The following ARHGEF33 variants were observed in gnomAD, a reference collection of about 807,000 sequenced individuals.
The protein encoded by ARHGEF33 is DH and coiled-coil domain-containing protein ENSP00000381780.
Under a neutral mutation model 101.9 loss-of-function variants are expected in ARHGEF33, and 72 were observed. The ratio of observed to expected loss-of-function variants is 0.71; its 90% CI spans 0.58 to 0.86. ARHGEF33 has a LOEUF of 0.86. ARHGEF33 is among the 40% of genes least tolerant of loss of function. ARHGEF33 has a pLI of 0.00. For missense variants in ARHGEF33, 1,169 were observed against 1,111.3 expected, an observed-to-expected ratio of 1.05 and a Z score of -0.74; for synonymous variants, 499 against 442.5, an observed-to-expected ratio of 1.13 and a Z score of -1.60.
At chr2:38,930,530 G>GA (rs1666974592) in intron 6 of ARHGEF33, among the ~76,000 whole-genome samples, 1 of 151,880 alleles carries the variant, frequency 6.6e-6, no homozygotes, top group Non-Finnish European at 1.5e-5. Flanking sequence ...AAAAATTATA[G>GA]AAATGGGTTT....
intron 9 of ARHGEF33, among the ~76,000 whole-genome samples, chr2:38,939,677 G>T (rs760196587): frequency 5.9e-5 from 9 of 152,192 alleles, no homozygotes; most frequent in South Asian, 2.1e-4. Context: ...TTGAAGCAGG[G>T]TCTTGCTCTG....
At position 38,953,221 on chromosome 2, in the gene ARHGEF33, G is replaced by C; in HGVS notation, c.1113G>C (p.Leu371Phe). The C allele has an allele frequency of 1.3e-6, 2 of 1,539,686 alleles. No homozygotes were observed. The highest frequency in any genetic ancestry group is 8.8e-7 in the Non-Finnish European group (1 of 1,135,746). ...YLRDLPECIS[L>F]VHVVVLKEGD... ...GGGACCTGCCTGAGTGCATCTCATT[G>C]GTTCATGTTGTAGTCCTGAAAGAGG... The change falls in exon 12 of 18, where the codon TTG (leucine) becomes TTC (phenylalanine). Residue 371 changes from leucine to phenylalanine, a missense_variant. Leu to Phe is a conservative substitution (Grantham distance 22). Coordinates refer to ENST00000409978, the MANE Select transcript of ARHGEF33 (RefSeq NM_001145451.5).
intron 2 of ARHGEF33, among the ~76,000 whole-genome samples, chr2:38,900,167 G>T (rs1666209224): frequency 6.6e-6 from 1 of 152,192 alleles, no homozygotes; most frequent in South Asian, 2.1e-4. Context: ...ATTCGCTCCA[G>T]CTTGGGCAAC....
chr2:38,955,481 CTTTTTTTTTT>C (rs3085350), intron 13 of ARHGEF33, among the ~76,000 whole-genome samples: 4 of 71,186 alleles, frequency 5.6e-5, no homozygotes, highest in Admixed American at 2.4e-4. Context: ...ATTGAAAAGA[CTTTTTTTTTT>C]TTTTTTTTTT....
In ARHGEF33 at chr2:38,974,756, A is replaced by G. The variant is rs560262177; in HGVS notation, c.*913A>G. 2.1e-3 allele frequency: 327 copies of G among 152,366 alleles called. 1 individual carries two copies. Among genetic ancestry groups the G allele is most frequent in the African/African-American group, 7.2e-3 (301 of 41,592 alleles). The allele number at this position is 152,366 out of a possible 1,614,324, so 9.4% of individuals were successfully genotyped here. ...AGGTGGCAATAGCACCAAAACTTCA[A>G]TGGCTCACACACAGCAGTTGCTACA... On this transcript the variant is annotated 3_prime_UTR_variant, in exon 18 of 18. Coordinates refer to ENST00000409978, the MANE Select transcript of ARHGEF33 (RefSeq NM_001145451.5).
chr2:38,960,187 C>T lies in ARHGEF33; in HGVS notation c.1882C>T (p.Pro628Ser). ...YGGEIFALPA[P>S]YDEEPFQAPA... ...CGGCGAGATCTTCGCGCTGCCCGCG[C>T]CCTACGACGAGGAGCCGTTCCAGGC... Residue 628 changes from proline to serine, a missense_variant, in exon 16 of 18, where the codon CCC becomes TCC. By Grantham distance (74) the Pro-to-Ser change is moderately conservative. Transcript: ENST00000409978. The T allele has an allele frequency of 6.5e-7, 1 of 1,544,168 alleles. No homozygotes were observed. The highest frequency in any genetic ancestry group is 8.7e-7 in the Non-Finnish European group (1 of 1,144,528).
intron 15 of ARHGEF33, 179 bp from the exon 16 acceptor site, chr2:38,959,662 T>C (rs1425795676): frequency 3.1e-6 from 2 of 653,094 alleles, no homozygotes; most frequent in Middle Eastern, 8.6e-4. Flanking sequence ...CGGACTGCCT[T>C]GTCCACTCTC....
At chr2:38,935,960 T>C in intron 8 of ARHGEF33, 126 bp downstream of exon 8, 1 of 814,814 alleles carries the variant, frequency 1.2e-6, no homozygotes, top group Non-Finnish European at 2.0e-6. Context: ...GATAAAGTTA[T>C]GAAGTTACGA....
intron 17 of ARHGEF33, among the ~76,000 whole-genome samples, chr2:38,972,302 G>C (rs149928322): frequency 1.2e-3 from 177 of 152,296 alleles, no homozygotes; most frequent in African/African-American, 4.0e-3. Flanking sequence ...GAGAAGGCCC[G>C]GAGTTTTAGG....
intron 4 of ARHGEF33, among the ~76,000 whole-genome samples, chr2:38,928,528 A>T (rs1666922796): frequency 6.6e-6 from 1 of 152,200 alleles, no homozygotes; most frequent in Non-Finnish European, 1.5e-5. Context: ...AGAGAATATG[A>T]CCCATTTTCT....
intron 9 of ARHGEF33, among the ~76,000 whole-genome samples, chr2:38,943,692 C>T (rs1031341748): frequency 6.6e-6 from 1 of 152,212 alleles, no homozygotes; most frequent in African/African-American, 2.4e-5. Context: ...GCAGATTTTC[C>T]AGCTGCAGAT....
At chr2:38,965,937 G>T in intron 16 of ARHGEF33, 69 bp from the exon 17 acceptor site, 1 of 1,521,618 alleles carries the variant, frequency 6.6e-7, no homozygotes, top group Non-Finnish European at 8.9e-7. Flanking sequence ...CCACAAAATT[G>T]TCCCATAGTC....
At chr2:38,906,173 A>G (rs1284811209) in intron 2 of ARHGEF33, among the ~76,000 whole-genome samples, 1 of 148,660 alleles carries the variant, frequency 6.7e-6, no homozygotes, top group Non-Finnish European at 1.5e-5. Flanking sequence ...TGGGTGACAG[A>G]GCAAGACTCT....
chr2:38,908,669 A>G (rs551425173), intron 2 of ARHGEF33, among the ~76,000 whole-genome samples: 1 of 152,188 alleles, frequency 6.6e-6, no homozygotes, highest in East Asian at 1.9e-4. Context: ...GGAATTACCT[A>G]TTCTCTGTGC....
intron 17 of ARHGEF33, chr2:38,972,017 C>T (rs1301802882): frequency 5.7e-6 from 4 of 703,388 alleles, no homozygotes; most frequent in Non-Finnish European, 8.0e-6. Flanking sequence ...CCAGATGTAG[C>T]TAAGAGGGGA....
At chr2:38,924,903 C>A (rs1666838871) in intron 4 of ARHGEF33, among the ~76,000 whole-genome samples, 1 of 152,058 alleles carries the variant, frequency 6.6e-6, no homozygotes, top group African/African-American at 2.4e-5. Context: ...CATAGTATGA[C>A]AGCATTAGTT....
chr2:38,913,532 T>C (rs977331779), intron 2 of ARHGEF33, among the ~76,000 whole-genome samples: 4 of 152,068 alleles, frequency 2.6e-5, no homozygotes, highest in Non-Finnish European at 5.9e-5. Flanking sequence ...CTCACCACTT[T>C]GGGAGGCCAA....
At chr2:38,952,823 T>C (rs1667645172) in intron 11 of ARHGEF33, among the ~76,000 whole-genome samples, 1 of 152,024 alleles carries the variant, frequency 6.6e-6, no homozygotes, top group Admixed American at 6.5e-5. Context: ...CTCAGCCTCC[T>C]GAGTAGCTGA....
Position 38,960,588 on chromosome 2 carries a change from G to T in ARHGEF33, c.2283G>T (p.Arg761Ser), listed in dbSNP as rs1667905939. 2.2e-6 allele frequency: 3 copies of T among 1,389,490 alleles called. No homozygotes were observed. The highest frequency in any genetic ancestry group is 2.8e-6 in the Non-Finnish European group (3 of 1,055,744). 86.1% of individuals were successfully genotyped at this position (1,389,490 alleles called of 1,614,324 possible). The change falls in exon 16 of 18, where the codon AGG becomes AGT. Residue 761 changes from arginine to serine, a missense_variant. Arg to Ser is a moderately radical substitution (Grantham distance 110, BLOSUM62 -1). Transcript: ENST00000409978. ...CCGTCGCCGCCCGCGGCGCATCCAG[G>T]ACCTTCTTCCCCCAACAGAGGTCCC... ...AAAVAARGAS[R>S]TFFPQQRSQS...
Sources: allele counts gnomAD v4.1 joint callset (sites outside exome capture counted in the v4.1 genomes callset), GRCh38; gene constraint gnomAD v4.1.1; transcripts MANE v1.5; gene names NCBI Gene and HGNC (gene_info 2026-07-23, HGNC 2026-07-21).